Variants in MYH9 observed in about 807,000 individuals in gnomAD.
MYH9 encodes myosin-9.
A neutral mutation model predicts 241.9 loss-of-function variants in MYH9; 29 were observed. The observed-to-expected ratio is 0.12, with a 90% confidence interval of 0.09 to 0.16. The LOEUF (loss-of-function observed/expected upper bound fraction) is 0.16, where lower values mean the gene tolerates loss of function less well. Among genes scored for constraint, MYH9 ranks in the 10% least tolerant of loss-of-function variants. MYH9 has a pLI of 1.00. For missense variants in MYH9, 1,803 were observed against 2,595.5 expected, an observed-to-expected ratio of 0.69 and a Z score of 6.63; for synonymous variants, 1,047 against 1,062.6, an observed-to-expected ratio of 0.99 and a Z score of 0.29.
chr22:36,328,198 C>T (rs1440320619), intron 3 of MYH9, among the ~76,000 whole-genome samples: 1 of 152,218 alleles, frequency 6.6e-6, no homozygotes, highest in Non-Finnish European at 1.5e-5. Context: ...CTGTGACAAC[C>T]TGTTCTCTAG....
Position 36,316,580 on chromosome 22 carries a change from C to G in MYH9, c.1317G>C (p.Lys439Asn), listed in dbSNP as rs746308824. 1.2e-6 allele frequency: 2 copies of G among 1,614,162 alleles called. No homozygotes were observed. Among genetic ancestry groups the G allele is most frequent in the Non-Finnish European group, 1.7e-6 (2 of 1,180,032 alleles). The stretch of plus-strand genomic sequence containing the variant: ...TGAAGGAGGCGCCCTGCCTCTTGGT[C>G]TTGTCCAGAGCCTTGTTGATGCGCA... ...LVLRINKALD[K>N]TKRQGASFIG... Residue 439 changes from lysine to asparagine, a missense_variant, in exon 12 of 41, where the codon AAG becomes AAC. Lys to Asn is a moderately conservative substitution (Grantham distance 94). Transcript: ENST00000216181.
intron 15 of MYH9, chr22:36,308,743 A>G (rs549829167): frequency 4.5e-5 from 41 of 907,572 alleles, no homozygotes; most frequent in African/African-American, 3.8e-4. Flanking sequence ...CCTAGGCAGA[A>G]GCATTTCTTG....
chr22:36,298,824 A>G, intron 24 of MYH9, 95 bp downstream of exon 24: 1 of 1,574,032 alleles, frequency 6.4e-7, no homozygotes. Context: ...GTGAGCTGAG[A>G]AGGCCTCGGT....
chr22:36,288,105 C>T lies in MYH9; in HGVS notation c.4932+147G>A. 2 of 929,886 alleles carry T rather than the reference C, an allele frequency of 2.2e-6. No homozygotes were observed. The highest frequency in any genetic ancestry group is 3.4e-6 in the Non-Finnish European group (2 of 595,250). 57.6% of individuals were successfully genotyped at this position (929,886 alleles called of 1,614,324 possible). On this transcript the variant is annotated intron_variant, in intron 34 of 40. Coordinates refer to ENST00000216181, the MANE Select transcript of MYH9 (RefSeq NM_002473.6). This position sits in a 1 kb window ranked among gnomAD's most constrained non-coding sequence, Gnocchi z 4.8. The stretch of plus-strand genomic sequence containing the variant: ...CACCTCTGAGCCTCTGAGTCTCTGT[C>T]AGTGAGATGGGGCTGGAAGCACCCA...
intron 1 of MYH9, among the ~76,000 whole-genome samples, chr22:36,381,236 C>T (rs933443807): frequency 6.6e-6 from 1 of 152,116 alleles, no homozygotes; most frequent in Non-Finnish European, 1.5e-5. Context: ...ACAATATGGC[C>T]GGGCACACTG....
chr22:36,344,307 AC>A (rs1334802925), intron 2 of MYH9, among the ~76,000 whole-genome samples: 1 of 151,678 alleles, frequency 6.6e-6, no homozygotes, highest in East Asian at 1.9e-4. Context: ...CCAGGGCCTC[AC>A]CCCCTGAAGA....
chr22:36,313,079 A>G (rs2017091394), intron 13 of MYH9, among the ~76,000 whole-genome samples: 1 of 135,848 alleles, frequency 7.4e-6, no homozygotes, highest in Non-Finnish European at 1.6e-5. Context: ...GACAAGAACA[A>G]AAATCTGTCT....
Position 36,285,535 on chromosome 22 carries a change from T to A in MYH9, c.5274+123A>T. The A allele has an allele frequency of 6.7e-7, 1 of 1,497,742 alleles. No homozygotes were observed. The allele number at this position is 1,497,742 out of a possible 1,614,324, so 92.8% of individuals were successfully genotyped here. A position where few individuals can be genotyped will look rare whatever the true frequency, so the allele number is the denominator to read the frequency against. ...CTTTCAGGTCCAGGTGCCTGGACAT[T>A]TTCCCCTAAGCGCCTGGGGAGCAGC... On this transcript the variant is annotated intron_variant, in intron 37 of 40. Transcript: ENST00000216181. This position sits in a 1 kb window ranked among gnomAD's most constrained non-coding sequence, Gnocchi z 7.0.
intron 13 of MYH9, among the ~76,000 whole-genome samples, chr22:36,313,081 AAT>A (rs2017091558): frequency 8.0e-6 from 1 of 125,416 alleles, no homozygotes; most frequent in Admixed American, 8.7e-5. Context: ...CAAGAACAAA[AAT>A]CTGTCTCAAA....
At position 36,300,204 on chromosome 22, in the gene MYH9, C is replaced by A. The variant is rs2016854338; in HGVS notation, c.2899G>T (p.Val967Leu). 1 of 1,613,632 alleles carries A rather than the reference C, an allele frequency of 6.2e-7. No individual in the cohort carries two copies. Among genetic ancestry groups the A allele is most frequent in the East Asian group, 2.2e-5 (1 of 44,878 alleles). ...SARQKLQLEKVTTEAKLKKLE... is the reference protein window; with the variant it reads ...SARQKLQLEKLTTEAKLKKLE... ...TTTTTCAGCTTCGCCTCGGTGGTCA[C>A]CTTCTCCAGCTGCAGCTTCTGCCGG... Residue 967 changes from valine to leucine, a missense_variant, in exon 23 of 41, where the codon GTG becomes TTG. Physicochemically the swap from Val to Leu is conservative, Grantham distance 32. Transcript: ENST00000216181. The surrounding 1 kb of genome is among the most constrained non-coding windows in gnomAD (Gnocchi z 5.0).
At chr22:36,303,094 A>T (rs1267690302) in intron 19 of MYH9, among the ~76,000 whole-genome samples, 1 of 152,148 alleles carries the variant, frequency 6.6e-6, no homozygotes, top group Admixed American at 6.6e-5. Flanking sequence ...GGAGAACGTC[A>T]GAAGCTGATG....
At chr22:36,296,564 T>C (rs919152793) in intron 25 of MYH9, among the ~76,000 whole-genome samples, 39 of 128,458 alleles carry the variant, frequency 3.0e-4, no homozygotes, top group South Asian at 1.6e-3. Context: ...TTTTTTTTTT[T>C]AAGTGTGCCT....
intron 2 of MYH9, among the ~76,000 whole-genome samples, chr22:36,345,373 A>G (rs1221695404): frequency 6.6e-6 from 1 of 151,308 alleles, no homozygotes; most frequent in Non-Finnish European, 1.5e-5. Flanking sequence ...GAGACTCCAC[A>G]TAGCCATGTC....
chr22:36,301,612 C>T lies in MYH9; in HGVS notation c.2553G>A (p.Glu851=), dbSNP rs1380060053. The change falls in exon 21 of 41, where the codon GAG becomes GAA. Residue 851 remains glutamate, a synonymous_variant. Coordinates refer to ENST00000216181, the MANE Select transcript of MYH9 (RefSeq NM_002473.6). ...TCTCTCTGACCTTCACCAGCTCCTC[C>T]TCCTTGGCCATCATCTCCTCCTCCT... The part of the protein sequence containing the change: ...SRQEEEMMAK[E]EELVKVREKQ... 6.2e-7 allele frequency: 1 copy of T among 1,614,042 alleles called. No homozygotes were observed. The highest frequency in any genetic ancestry group is 8.5e-7 in the Non-Finnish European group (1 of 1,180,030).
At chr22:36,353,486 G>A (rs6000255) in intron 1 of MYH9, among the ~76,000 whole-genome samples, 5,388 of 151,902 alleles carry the variant, frequency 0.035, 328 homozygotes, top group African/African-American at 0.12. Context: ...TCAGGCTTCC[G>A]AGTAGCTGGG....
rs1343141491 is a variant in MYH9, at chr22:36,341,348, G to C, written c.490+22C>G. On this transcript the variant is annotated intron_variant, in intron 3 of 40. Coordinates refer to ENST00000216181, the MANE Select transcript of MYH9 (RefSeq NM_002473.6). Reference sequence around the variant, plus strand: ...CCCAGGTGAAGATTCAGCCCCAGGTGGGCACACACTACGTCACCCACCTTG... The same window carrying C: ...CCCAGGTGAAGATTCAGCCCCAGGTCGGCACACACTACGTCACCCACCTTG... 1.9e-6 allele frequency: 3 copies of C among 1,612,884 alleles called. No individual in the cohort carries two copies. The Admixed American group carries it at 5.0e-5, about 27-fold the overall frequency.
chr22:36,300,441 G>A lies in MYH9; in HGVS notation c.2839-177C>T, dbSNP rs763204581. On this transcript the variant is annotated intron_variant, in intron 22 of 40. Coordinates refer to ENST00000216181, the MANE Select transcript of MYH9 (RefSeq NM_002473.6). This position sits in a 1 kb window ranked among gnomAD's most constrained non-coding sequence, Gnocchi z 5.0. ...CCGCCAGCCCAGGGCCACAGCCGAG[G>A]CAGGGCCCAAGCCCCATTTGTAGGA... is the stretch of plus-strand genomic sequence containing the variant. Among the ~76,000 whole-genome samples, 1 of 152,242 alleles carries A rather than the reference G, an allele frequency of 6.6e-6. No individual in the cohort carries two copies. The highest frequency in any genetic ancestry group is 1.5e-5 in the Non-Finnish European group (1 of 68,042).
rs2016509775 is a variant in MYH9 at position 36,282,600 on chromosome 22, G to A, written c.*68C>T. 6 of 1,423,318 alleles carry A rather than the reference G, an allele frequency of 4.2e-6. No individual in the cohort carries two copies. Among genetic ancestry groups the A allele is most frequent in the Middle Eastern group, 1.8e-4 (1 of 5,706 alleles). 88.2% of individuals were successfully genotyped at this position (1,423,318 alleles called of 1,614,324 possible). A position where few individuals can be genotyped will look rare whatever the true frequency, so the allele number is the denominator to read the frequency against. ...CCAAGAAGGTGGGGAGAGGCGTGCTGCGGGGTCTGGGAAGGGGAGGCTGTG... is the reference window on the plus strand; with the variant it reads ...CCAAGAAGGTGGGGAGAGGCGTGCTACGGGGTCTGGGAAGGGGAGGCTGTG... On this transcript the variant is annotated 3_prime_UTR_variant, in exon 41 of 41. Transcript: ENST00000216181.
intron 1 of MYH9, among the ~76,000 whole-genome samples, chr22:36,356,117 C>T (rs1358774275): frequency 6.6e-6 from 1 of 152,232 alleles, no homozygotes; most frequent in Admixed American, 6.5e-5. Context: ...ACACTGGAAG[C>T]CCTATTCCAG....
Sources: allele counts gnomAD v4.1 joint callset (sites outside exome capture counted in the v4.1 genomes callset), GRCh38; gene constraint gnomAD v4.1.1; non-coding constraint Gnocchi (gnomAD v3.1); transcripts MANE v1.5; gene names NCBI Gene and HGNC (gene_info 2026-07-23, HGNC 2026-07-21).